The following CSGALNACT1 variants were observed in gnomAD, a reference collection of about 807,000 sequenced individuals.
CSGALNACT1 encodes the protein beta4GalNAcT-1.
In CSGALNACT1, 52 loss-of-function variants were observed where a neutral mutation model predicts 51.0. The observed-to-expected ratio is 1.02, with a 90% confidence interval of 0.82 to 1.29. The LOEUF (loss-of-function observed/expected upper bound fraction) is 1.29. Among genes scored for constraint, CSGALNACT1 ranks in the 50% most tolerant of loss-of-function variants. CSGALNACT1 has a pLI of 0.00. For synonymous variants in CSGALNACT1, 341 were observed against 254.4 expected, an observed-to-expected ratio of 1.34 and a Z score of -3.24; for missense variants, 935 against 679.2, an observed-to-expected ratio of 1.38 and a Z score of -4.19.
At chr8:19,538,114 C>G (rs1030764315) in intron 3 of CSGALNACT1, among the ~76,000 whole-genome samples, 2 of 151,780 alleles carry the variant, frequency 1.3e-5, no homozygotes, top group South Asian at 2.1e-4. Flanking sequence ...GCCAGGAGTT[C>G]AAGATCAGCC....
At chr8:19,464,512 T>G (rs1229514712) in intron 4 of CSGALNACT1, among the ~76,000 whole-genome samples, 4 of 152,114 alleles carry the variant, frequency 2.6e-5, no homozygotes, top group Non-Finnish European at 4.4e-5. Context: ...TGGTTTATAT[T>G]AAGCACATAT....
At chr8:19,660,675 A>C (rs555632089) in intron 1 of CSGALNACT1, among the ~76,000 whole-genome samples, 1 of 152,150 alleles carries the variant, frequency 6.6e-6, no homozygotes, top group African/African-American at 2.4e-5. Flanking sequence ...CTTACTCACA[A>C]AAGCTCCAGT....
intron 9 of CSGALNACT1, among the ~76,000 whole-genome samples, chr8:19,408,028 T>C (rs1017780919): frequency 6.6e-6 from 1 of 152,108 alleles, no homozygotes; most frequent in African/African-American, 2.4e-5. Context: ...GAAATGTGGG[T>C]CTTTTTGAAT....
chr8:19,546,800 C>T (rs1427125817), intron 3 of CSGALNACT1, among the ~76,000 whole-genome samples: 2 of 152,214 alleles, frequency 1.3e-5, no homozygotes, highest in Admixed American at 6.5e-5. Context: ...TAGGAAGGCT[C>T]CTCTTTACAG....
upstream of CSGALNACT1, chr8:19,682,624 T>C (rs570962006): frequency 3.2e-4 from 145 of 453,950 alleles, no homozygotes; most frequent in Non-Finnish European, 4.9e-4. Flanking sequence ...AGCCCAAAGA[T>C]TGTGTAAAAT....
chr8:19,445,643 G>C (rs2153781881), intron 5 of CSGALNACT1, among the ~76,000 whole-genome samples: 1 of 152,298 alleles, frequency 6.6e-6, no homozygotes, highest in African/African-American at 2.4e-5. Flanking sequence ...AGTAAGACAT[G>C]TCTGCCCTTG....
At chr8:19,478,654 T>C (rs895205135) in intron 4 of CSGALNACT1, among the ~76,000 whole-genome samples, 3 of 152,074 alleles carry the variant, frequency 2.0e-5, no homozygotes, top group African/African-American at 4.8e-5. Context: ...TAATAACATA[T>C]TGCTCCTCTT....
rs146482632 is a variant in CSGALNACT1 at position 19,513,404 on chromosome 8, T to TTCTCTC, written c.-296-7280_-296-7275dup. Among the ~76,000 whole-genome samples the TTCTCTC allele has an allele frequency of 2.4e-3, 225 of 94,442 alleles. 12 individuals are homozygous for TTCTCTC. The highest frequency in any genetic ancestry group is 4.0e-3 in the South Asian group (11 of 2,720). 62.0% of individuals were successfully genotyped at this position (94,442 alleles called of 152,430 possible). A position where few individuals can be genotyped will look rare whatever the true frequency, so the allele number is the denominator to read the frequency against. ...CCCAGTACATTCTGTTCATAGAATTTTCTCTCTCTCACTCTCTCTCTCTCT... is the reference window on the plus strand; with the variant it reads ...CCCAGTACATTCTGTTCATAGAATTTTCTCTCTCTCTCTCTCACTCTCTCTCTCTCT... On this transcript the variant is annotated intron_variant, in intron 3 of 9. Transcript: ENST00000454498.
Position 19,583,885 on chromosome 8 carries a change from T to A in CSGALNACT1, c.-297+7275A>T, listed in dbSNP as rs148649233. Among the ~76,000 whole-genome samples, 164 of 152,298 alleles carry A rather than the reference T, an allele frequency of 1.1e-3. 1 individual carries two copies. The highest frequency in any genetic ancestry group is 3.6e-3 in the African/African-American group (148 of 41,560). On this transcript the variant is annotated intron_variant, in intron 3 of 9. Coordinates refer to ENST00000454498, the Ensembl canonical transcript of CSGALNACT1. ...AATCTGTTGCCCACATACTCATACT[T>A]TGGGTTTGAGAGAAGTCAGACCAAT...
intron 8 of CSGALNACT1, among the ~76,000 whole-genome samples, chr8:19,411,833 C>T (rs868145154): frequency 7.4e-5 from 10 of 135,624 alleles, no homozygotes; most frequent in South Asian, 4.8e-4. Flanking sequence ...CACTATCCTC[C>T]TTTTTTTTTT....
intron 1 of CSGALNACT1, among the ~76,000 whole-genome samples, chr8:19,653,096 C>T (rs1272914212): frequency 1.3e-5 from 2 of 152,098 alleles, no homozygotes; most frequent in Non-Finnish European, 2.9e-5. Context: ...TGCCACAGTT[C>T]GAACCAACTC....
chr8:19,713,075 CT>C (rs1356644865), intron 1 of CSGALNACT1, among the ~76,000 whole-genome samples: 1 of 152,178 alleles, frequency 6.6e-6, no homozygotes, highest in Non-Finnish European at 1.5e-5. Context: ...AAAACATTGC[CT>C]GATTACTCTC....
intron 1 of CSGALNACT1, among the ~76,000 whole-genome samples, chr8:19,668,161 G>T (rs1428275601): frequency 1.3e-5 from 2 of 152,060 alleles, no homozygotes; most frequent in African/African-American, 4.8e-5. Flanking sequence ...CCTATATTTT[G>T]TTCAAAAATG....
chr8:19,626,738 C>CT (rs983196401), intron 1 of CSGALNACT1, among the ~76,000 whole-genome samples: 1 of 152,156 alleles, frequency 6.6e-6, no homozygotes, highest in African/African-American at 2.4e-5. Context: ...AGTAAACAAT[C>CT]TAAGTTTTTT....
At chr8:19,529,903 A>G (rs1031054517) in intron 3 of CSGALNACT1, among the ~76,000 whole-genome samples, 3 of 152,170 alleles carry the variant, frequency 2.0e-5, no homozygotes, top group African/African-American at 7.2e-5. Flanking sequence ...TAATTTTTAC[A>G]ATTATTTCTC....
chr8:19,562,598 A>G (rs1333017481), intron 3 of CSGALNACT1, among the ~76,000 whole-genome samples: 1 of 152,202 alleles, frequency 6.6e-6, no homozygotes, highest in Non-Finnish European at 1.5e-5. Flanking sequence ...ACAAATTTAC[A>G]ACAAAAAAAT....
intron 1 of CSGALNACT1, among the ~76,000 whole-genome samples, chr8:19,669,625 T>G (rs573169944): frequency 4.6e-4 from 70 of 151,788 alleles, no homozygotes; most frequent in African/African-American, 1.7e-3. Flanking sequence ...GCCAGTTTTT[T>G]GTTTGTTTGT....
intron 9 of CSGALNACT1, among the ~76,000 whole-genome samples, chr8:19,408,369 A>AGT (rs2054784736): frequency 6.6e-6 from 1 of 150,702 alleles, no homozygotes; most frequent in South Asian, 2.1e-4. Flanking sequence ...ATGTTGTCCA[A>AGT]GTTGGTCTTG....
At chr8:19,747,530 A>G (rs1413995271) in intron 1 of CSGALNACT1, among the ~76,000 whole-genome samples, 1 of 152,214 alleles carries the variant, frequency 6.6e-6, no homozygotes. Flanking sequence ...GTTCTCTACT[A>G]AGGAAAGCTA....
Sources: allele counts gnomAD v4.1 joint callset (sites outside exome capture counted in the v4.1 genomes callset), GRCh38; gene constraint gnomAD v4.1.1; transcripts MANE v1.5; gene names NCBI Gene and HGNC (gene_info 2026-07-23, HGNC 2026-07-21).